WWOX: variants seen among roughly 807,000 people sequenced by gnomAD.
WWOX encodes the protein WW domain containing oxidoreductase.
WWOX carries 69 observed loss-of-function variants against 46.2 expected under a neutral mutation model. The ratio of observed to expected loss-of-function variants is 1.49; its 90% confidence interval spans 1.23 to 1.82. The LOEUF is 1.82. WWOX is among the 40% of genes most tolerant of loss of function. The pLI is 0.00. For synonymous variants in WWOX, 359 were observed against 202.6 expected, an observed-to-expected ratio of 1.77 and a Z score of -6.56; for missense variants, 919 against 542.6, an observed-to-expected ratio of 1.69 and a Z score of -6.89.
chr16:78,642,645 A>T (rs1391036619), intron 8 of WWOX, among the ~76,000 whole-genome samples: 2 of 151,014 alleles, frequency 1.3e-5, no homozygotes. Context: ...ATGGATGAAG[A>T]CTCCCTTTCA....
At chr16:78,797,411 C>G (rs1265126357) in intron 8 of WWOX, among the ~76,000 whole-genome samples, 1 of 146,166 alleles carries the variant, frequency 6.8e-6, no homozygotes, top group South Asian at 2.2e-4. Flanking sequence ...GCAGCCCCGA[C>G]AGGTACGAGC....
chr16:78,960,519 C>G (rs2046252475), intron 8 of WWOX, among the ~76,000 whole-genome samples: 1 of 152,222 alleles, frequency 6.6e-6, no homozygotes, highest in African/African-American at 2.4e-5. Context: ...CATTTTGTCA[C>G]CTTCTTACCC....
intron 8 of WWOX, among the ~76,000 whole-genome samples, chr16:79,098,317 A>G (rs769283735): frequency 5.3e-4 from 81 of 152,228 alleles, no homozygotes; most frequent in Non-Finnish European, 1.1e-3. Flanking sequence ...TCTGAGACAG[A>G]CAGTGGGGAT....
chr16:79,023,772 C>A (rs373926095), intron 8 of WWOX, among the ~76,000 whole-genome samples: 2 of 138,014 alleles, frequency 1.4e-5, no homozygotes, highest in East Asian at 4.4e-4. Context: ...TATGGTGATA[C>A]CCCATCTCTA....
chr16:78,642,690 C>T (rs2046749333), intron 8 of WWOX, among the ~76,000 whole-genome samples: 1 of 152,094 alleles, frequency 6.6e-6, no homozygotes, highest in African/African-American at 2.4e-5. Flanking sequence ...GCAGTTCCCA[C>T]CTCGACCGCT....
At chr16:78,687,978 G>T (rs1420019174) in intron 8 of WWOX, among the ~76,000 whole-genome samples, 1 of 152,094 alleles carries the variant, frequency 6.6e-6, no homozygotes, top group Non-Finnish European at 1.5e-5. Flanking sequence ...TGGTACAAAT[G>T]AACTTGCTAC....
At chr16:78,296,414 G>C (rs150875279) in intron 5 of WWOX, among the ~76,000 whole-genome samples, 2,531 of 151,838 alleles carry the variant, frequency 0.017, 87 homozygotes, top group African/African-American at 0.058. Context: ...AGGGCTCAAA[G>C]GTAATTTCAT....
chr16:78,127,030 C>G (rs1567586671), intron 4 of WWOX, among the ~76,000 whole-genome samples: 1 of 152,152 alleles, frequency 6.6e-6, no homozygotes, highest in Non-Finnish European at 1.5e-5. Flanking sequence ...TCATTGGTAG[C>G]AAGTTTCTAT....
intron 5 of WWOX, among the ~76,000 whole-genome samples, chr16:78,286,565 G>A (rs903474692): frequency 6.6e-6 from 1 of 152,018 alleles, no homozygotes; most frequent in African/African-American, 2.4e-5. Flanking sequence ...AAATGTGATC[G>A]TTGGATTCTA....
chr16:78,594,210 G>A (rs1018486175), intron 8 of WWOX, among the ~76,000 whole-genome samples: 1 of 151,792 alleles, frequency 6.6e-6, no homozygotes, highest in Non-Finnish European at 1.5e-5. Flanking sequence ...CCCCATATAC[G>A]AAGCAAACCT....
intron 8 of WWOX, among the ~76,000 whole-genome samples, chr16:78,578,275 TATATA>T (rs2044948389): frequency 2.0e-4 from 8 of 40,600 alleles, no homozygotes; most frequent in East Asian, 1.8e-3. Context: ...TATATATATA[TATATA>T]TATATTTTTT....
intron 8 of WWOX, among the ~76,000 whole-genome samples, chr16:78,648,338 C>T (rs938731467): frequency 6.6e-6 from 1 of 152,190 alleles, no homozygotes; most frequent in African/African-American, 2.4e-5. Flanking sequence ...GTGCTCACTC[C>T]TTCATCAGGA....
In WWOX at chr16:78,694,096, G is replaced by A. The variant is rs138244520; in HGVS notation, c.1056+261344G>A. Among the ~76,000 whole-genome samples the A allele has an allele frequency of 4.1e-3, 627 of 152,226 alleles. 2 individuals are homozygous for A. Among genetic ancestry groups the A allele is most frequent in the African/African-American group, 0.014 (597 of 41,518 alleles). On this transcript the variant is annotated intron_variant, in intron 8 of 8. Coordinates refer to ENST00000566780, the MANE Select transcript of WWOX (RefSeq NM_016373.4). ...AAAATATAAAAATTACCTAGGCGTG[G>A]TAGTGTGTGCATATAATCCCAGCTA...
chr16:78,327,598 G>A (rs1000649093), intron 5 of WWOX, among the ~76,000 whole-genome samples: 3 of 152,038 alleles, frequency 2.0e-5, no homozygotes, highest in Admixed American at 6.6e-5. Context: ...AACTCCCACT[G>A]GAAAACCTCT....
chr16:78,105,101 G>A (rs570818188), intron 1 of WWOX, among the ~76,000 whole-genome samples: 82 of 152,326 alleles, frequency 5.4e-4, no homozygotes, highest in African/African-American at 1.9e-3. Flanking sequence ...TGTTGCCACA[G>A]CTATGGGACT....
At chr16:78,863,047 C>T (rs778548550) in intron 8 of WWOX, among the ~76,000 whole-genome samples, 1 of 151,494 alleles carries the variant, frequency 6.6e-6, no homozygotes, top group East Asian at 1.9e-4. Flanking sequence ...CAACCTCTGC[C>T]TCCCAGGTTC....
intron 8 of WWOX, among the ~76,000 whole-genome samples, chr16:78,747,725 G>C (rs1047355842): frequency 1.6e-4 from 25 of 152,176 alleles, no homozygotes; most frequent in African/African-American, 5.8e-4. Context: ...TTCTTCCCTA[G>C]AGCGTCAGCC....
chr16:79,185,489 G>T (rs947798265), intron 8 of WWOX, among the ~76,000 whole-genome samples: 7 of 68,520 alleles, frequency 1.0e-4, no homozygotes, highest in African/African-American at 4.3e-4. Flanking sequence ...AGTTAAAGGA[G>T]ATGTGACACC....
chr16:78,359,210 G>T (rs2081359304), intron 5 of WWOX, among the ~76,000 whole-genome samples: 2 of 152,174 alleles, frequency 1.3e-5, no homozygotes, highest in African/African-American at 4.8e-5. Context: ...CTTGCTAGGT[G>T]AGCTGGTATC....
Sources: gnomAD v4.1 joint callset for allele counts (sites outside exome capture counted in the v4.1 genomes callset) on GRCh38, gnomAD v4.1.1 for gene constraint, MANE v1.5 for transcripts, NCBI Gene and HGNC (gene_info 2026-07-23, HGNC 2026-07-21) for gene names.